WWOX: variants seen among roughly 807,000 people sequenced by gnomAD.
WWOX encodes the protein WW domain containing oxidoreductase.
WWOX carries 69 observed loss-of-function variants against 46.2 expected under a neutral mutation model. The observed-to-expected ratio is 1.49, with a 90% CI of 1.23 to 1.82. The LOEUF (loss-of-function observed/expected upper bound fraction) is 1.82. WWOX is among the 40% of genes most tolerant of loss of function. The pLI, the probability that WWOX is intolerant of heterozygous loss-of-function variation, is 0.00. For missense variants in WWOX, 919 were observed against 542.6 expected, an observed-to-expected ratio of 1.69 and a Z score of -6.89; for synonymous variants, 359 against 202.6, an observed-to-expected ratio of 1.77 and a Z score of -6.56.
At chr16:78,821,279 C>T (rs2051485391) in intron 8 of WWOX, among the ~76,000 whole-genome samples, 2 of 152,160 alleles carry the variant, frequency 1.3e-5, no homozygotes, top group Non-Finnish European at 1.5e-5. Context: ...GAAACTGAGG[C>T]ACAGGCTTGC....
intron 8 of WWOX, chr16:79,016,911 C>G (rs923214948): frequency 6.6e-6 from 1 of 152,096 alleles, no homozygotes; most frequent in African/African-American, 2.4e-5. Flanking sequence ...CAAAATAGGA[C>G]CTGGGGTCGA....
At chr16:79,096,869 C>G (rs1460200520) in intron 8 of WWOX, among the ~76,000 whole-genome samples, 1 of 151,888 alleles carries the variant, frequency 6.6e-6, no homozygotes, top group Admixed American at 6.6e-5. Flanking sequence ...AGGTTTGTGC[C>G]CAGAAGATCT....
intron 8 of WWOX, among the ~76,000 whole-genome samples, chr16:79,029,283 C>G (rs2047706987): frequency 6.6e-6 from 1 of 152,170 alleles, no homozygotes; most frequent in African/African-American, 2.4e-5. Flanking sequence ...CTGGATGTTT[C>G]TTACATCCTC....
intron 5 of WWOX, among the ~76,000 whole-genome samples, chr16:78,215,401 C>T (rs1320477047): frequency 1.3e-5 from 2 of 152,140 alleles, no homozygotes; most frequent in Non-Finnish European, 2.9e-5. Flanking sequence ...ATGCTGTTCT[C>T]GTGATAGCAC....
intron 8 of WWOX, among the ~76,000 whole-genome samples, chr16:78,470,331 A>G (rs1212795491): frequency 6.6e-6 from 1 of 152,292 alleles, no homozygotes; most frequent in Admixed American, 6.5e-5. Context: ...GGCATAGTAC[A>G]TCTTTGCCTC....
chr16:78,575,561 G>T (rs191024807), intron 8 of WWOX, among the ~76,000 whole-genome samples: 266 of 152,118 alleles, frequency 1.7e-3, no homozygotes, highest in African/African-American at 6.0e-3. Flanking sequence ...TTTGGACTGG[G>T]GCATTGGATC....
intron 5 of WWOX, among the ~76,000 whole-genome samples, chr16:78,274,628 G>C (rs1001989637): frequency 6.6e-5 from 10 of 152,090 alleles, no homozygotes; most frequent in Non-Finnish European, 1.5e-4. Context: ...AGAGTTCTAA[G>C]TCCCTATGTC....
intron 5 of WWOX, among the ~76,000 whole-genome samples, chr16:78,242,899 T>C (rs778774491): frequency 6.6e-6 from 1 of 152,068 alleles, no homozygotes; most frequent in African/African-American, 2.4e-5. Context: ...TTCCAGCTAC[T>C]TGGGAGGCTG....
At chr16:79,203,443 C>T (rs1419749425) in intron 8 of WWOX, 1 of 151,462 alleles carries the variant, frequency 6.6e-6, no homozygotes, top group Admixed American at 6.6e-5. Context: ...TTCTGGAAGG[C>T]AGAGTTAAGA....
At chr16:78,255,111 T>C (rs1007874527) in intron 5 of WWOX, among the ~76,000 whole-genome samples, 2 of 152,224 alleles carry the variant, frequency 1.3e-5, no homozygotes, top group Non-Finnish European at 2.9e-5. Context: ...TTGTTATTTT[T>C]ACAAGTCTTT....
intron 8 of WWOX, among the ~76,000 whole-genome samples, chr16:78,943,239 A>G (rs1432939859): frequency 6.6e-6 from 1 of 151,418 alleles, no homozygotes; most frequent in Non-Finnish European, 1.5e-5. Flanking sequence ...GTTTAATCTT[A>G]AAAAAGATCC....
At chr16:78,322,924 C>G (rs191221508) in intron 5 of WWOX, among the ~76,000 whole-genome samples, 43 of 152,208 alleles carry the variant, frequency 2.8e-4, no homozygotes, top group African/African-American at 1.0e-3. Flanking sequence ...CTCTTTCAAC[C>G]ATTTAAAAAT....
intron 4 of WWOX, among the ~76,000 whole-genome samples, chr16:78,163,511 G>A (rs2034866370): frequency 6.6e-6 from 1 of 152,202 alleles, no homozygotes; most frequent in Admixed American, 6.5e-5. Context: ...CAACCACTAT[G>A]TTTGGAAATG....
chr16:78,801,419 A>G (rs949940686), intron 8 of WWOX, among the ~76,000 whole-genome samples: 1 of 152,132 alleles, frequency 6.6e-6, no homozygotes, highest in African/African-American at 2.4e-5. Context: ...TGAGGCAGGA[A>G]GGTCACTTGA....
At chr16:78,562,684 C>T (rs2151560433) in intron 8 of WWOX, among the ~76,000 whole-genome samples, 1 of 152,310 alleles carries the variant, frequency 6.6e-6, no homozygotes, top group South Asian at 2.1e-4. Flanking sequence ...TCCTTTGAGG[C>T]CATCTGCACT....
intron 8 of WWOX, among the ~76,000 whole-genome samples, chr16:78,782,368 A>G (rs555190824): frequency 6.6e-6 from 1 of 152,240 alleles, no homozygotes; most frequent in Admixed American, 6.5e-5. Flanking sequence ...TTTTTGCCAC[A>G]GCTTCTAGGA....
At chr16:78,370,638 C>G (rs149893709) in intron 5 of WWOX, among the ~76,000 whole-genome samples, 1 of 151,950 alleles carries the variant, frequency 6.6e-6, no homozygotes, top group East Asian at 1.9e-4. Flanking sequence ...TATCTTTTGT[C>G]TTTCTCCATA....
At chr16:78,383,254 T>G (rs775325234) in intron 5 of WWOX, among the ~76,000 whole-genome samples, 1 of 152,052 alleles carries the variant, frequency 6.6e-6, no homozygotes, top group Non-Finnish European at 1.5e-5. Flanking sequence ...TAAATTGTGT[T>G]GTGTTGATGT....
intron 5 of WWOX, among the ~76,000 whole-genome samples, chr16:78,363,366 C>A (rs1056003496): frequency 4.6e-5 from 7 of 151,980 alleles, no homozygotes; most frequent in African/African-American, 1.7e-4. Context: ...CCCAAACTCC[C>A]AAGCTCCAGT....
Sources: allele counts gnomAD v4.1 joint callset (sites outside exome capture counted in the v4.1 genomes callset), GRCh38; gene constraint gnomAD v4.1.1; transcripts MANE v1.5; gene names NCBI Gene and HGNC (gene_info 2026-07-23, HGNC 2026-07-21).